The following PFKFB3 variants were observed in gnomAD, a reference collection of about 807,000 sequenced individuals.
PFKFB3 encodes the protein 6-phosphofructo-2-kinase/fructose-2,6-bisphosphatase 3.
A neutral mutation model predicts 68.0 loss-of-function variants in PFKFB3; 33 were observed. The observed-to-expected ratio is 0.49, with a 90% confidence interval of 0.37 to 0.65. The LOEUF is 0.65. Among genes scored for constraint, PFKFB3 ranks in the 30% least tolerant of loss-of-function variants. The pLI, the probability that PFKFB3 is intolerant of heterozygous loss-of-function variation, is 0.00. For missense variants in PFKFB3, 586 were observed against 712.2 expected, an observed-to-expected ratio of 0.82 and a Z score of 2.02; for synonymous variants, 315 against 288.2, an observed-to-expected ratio of 1.09 and a Z score of -0.94.
the PFKFB3 span, among the ~76,000 whole-genome samples, chr10:6,286,919 T>A: frequency 5.9e-5 from 9 of 152,214 alleles, no homozygotes; most frequent in Admixed American, 2.0e-4. Context: ...TTTTAATTGG[T>A]TGCCCTAGAA....
chr10:6,321,668 C>G, the PFKFB3 span, among the ~76,000 whole-genome samples: 1 of 152,206 alleles, frequency 6.6e-6, no homozygotes, highest in Non-Finnish European at 1.5e-5. Context: ...AAAAATCACT[C>G]ACTCACCCAA....
the PFKFB3 span, among the ~76,000 whole-genome samples, chr10:6,273,431 T>C: frequency 2.5e-3 from 373 of 152,066 alleles, 2 homozygotes; most frequent in African/African-American, 8.8e-3. Context: ...CAACCTACAA[T>C]CGCACGGCCC....
intron 1 of PFKFB3, among the ~76,000 whole-genome samples, chr10:6,157,447 C>T (rs1460919786): frequency 2.0e-5 from 3 of 152,102 alleles, no homozygotes; most frequent in Non-Finnish European, 2.9e-5. Flanking sequence ...AGGATGGTCT[C>T]GATCTCCTGA....
At chr10:6,231,332 T>A (rs1845729266) in intron 14 of PFKFB3, 2 of 1,612,292 alleles carry the variant, frequency 1.2e-6, no homozygotes, top group Admixed American at 3.3e-5. Flanking sequence ...CCTGGGTGCA[T>A]GTCCCTCTGT....
the PFKFB3 span, among the ~76,000 whole-genome samples, chr10:6,278,137 C>T: frequency 6.6e-6 from 1 of 150,950 alleles, no homozygotes; most frequent in Admixed American, 6.6e-5. Context: ...AGGATGGTCT[C>T]GATCTCTTGA....
the PFKFB3 span, among the ~76,000 whole-genome samples, chr10:6,288,008 C>T: frequency 6.6e-6 from 1 of 152,048 alleles, no homozygotes; most frequent in Non-Finnish European, 1.5e-5. Context: ...CTTTATTTCT[C>T]CTTCACTTCT....
chr10:6,150,483 G>A (rs1841538981), intron 1 of PFKFB3, among the ~76,000 whole-genome samples: 1 of 151,916 alleles, frequency 6.6e-6, no homozygotes, highest in Non-Finnish European at 1.5e-5. Flanking sequence ...AATTAACTGG[G>A]CGTGGTGGTG....
the PFKFB3 span, among the ~76,000 whole-genome samples, chr10:6,282,061 C>T: frequency 1.7e-4 from 26 of 151,922 alleles, no homozygotes; most frequent in East Asian, 1.4e-3. Flanking sequence ...GTTCGAACTC[C>T]TGGGCTCAAG....
At chr10:6,286,391 A>T in the PFKFB3 span, among the ~76,000 whole-genome samples, 1 of 148,360 alleles carries the variant, frequency 6.7e-6, no homozygotes, top group Non-Finnish European at 1.5e-5. Context: ...TTATTTATTT[A>T]TTTTGAGATG....
intron 1 of PFKFB3, among the ~76,000 whole-genome samples, chr10:6,181,263 C>T (rs903786942): frequency 1.3e-5 from 2 of 152,176 alleles, no homozygotes; most frequent in African/African-American, 4.8e-5. Flanking sequence ...TGGAGTGATC[C>T]TCTAGTCTCA....
chr10:6,219,387 C>A, intron 6 of PFKFB3, 182 bp from the exon 7 acceptor site: 1 of 598,268 alleles, frequency 1.7e-6, no homozygotes, highest in Non-Finnish European at 3.0e-6. Flanking sequence ...GAATCCTCCC[C>A]ATGTAACATC....
intron 1 of PFKFB3, among the ~76,000 whole-genome samples, chr10:6,190,181 T>G (rs1842984788): frequency 6.6e-6 from 1 of 152,112 alleles, no homozygotes; most frequent in Non-Finnish European, 1.5e-5. Flanking sequence ...TGGCCTCAAG[T>G]GATCCACCCG....
intron 2 of PFKFB3, among the ~76,000 whole-genome samples, chr10:6,214,958 A>G (rs1244894177): frequency 6.6e-6 from 1 of 152,252 alleles, no homozygotes; most frequent in East Asian, 1.9e-4. Context: ...CTGAGATTGT[A>G]GACTTGGCTG....
the PFKFB3 span, among the ~76,000 whole-genome samples, chr10:6,305,488 A>G: frequency 6.6e-6 from 1 of 152,212 alleles, no homozygotes; most frequent in African/African-American, 2.4e-5. Context: ...GCCAATTTGT[A>G]GGCATTCCTA....
chr10:6,254,808 C>CTTTTTTTTTT (rs144888417), downstream of PFKFB3, among the ~76,000 whole-genome samples: 57 of 61,638 alleles, frequency 9.2e-4, 14 homozygotes, highest in African/African-American at 2.0e-3. Flanking sequence ...TTTTTCTGTT[C>CTTTTTTTTTT]TTTTTTTTTT....
At chr10:6,160,355 G>T (rs1428261872) in intron 1 of PFKFB3, among the ~76,000 whole-genome samples, 1 of 151,878 alleles carries the variant, frequency 6.6e-6, no homozygotes, top group African/African-American at 2.4e-5. Context: ...GACTGTGATT[G>T]CTCCCACCCT....
chr10:6,266,344 C>T, the PFKFB3 span, among the ~76,000 whole-genome samples: 48 of 152,262 alleles, frequency 3.2e-4, no homozygotes, highest in African/African-American at 1.1e-3. Context: ...CTGTATCCTT[C>T]GGCATGCTCT....
chr10:6,299,445 G>A, the PFKFB3 span, among the ~76,000 whole-genome samples: 26 of 152,280 alleles, frequency 1.7e-4, no homozygotes, highest in African/African-American at 4.3e-4. Flanking sequence ...TTGTCCTAAC[G>A]TGCCTCCTTG....
the PFKFB3 span, among the ~76,000 whole-genome samples, chr10:6,263,101 C>G: frequency 3.3e-5 from 5 of 152,114 alleles, no homozygotes; most frequent in Non-Finnish European, 7.4e-5. Context: ...GCCGAGAGCC[C>G]CGAACAGAGA....
Sources: allele counts gnomAD v4.1 joint callset (sites outside exome capture counted in the v4.1 genomes callset), GRCh38; gene constraint gnomAD v4.1.1; transcripts MANE v1.5; gene names NCBI Gene and HGNC (gene_info 2026-07-23, HGNC 2026-07-21).